LINGO2: variants seen among roughly 807,000 people sequenced by gnomAD.
LINGO2 encodes the protein leucine rich repeat and Ig domain containing 2.
A neutral mutation model predicts 30.6 loss-of-function variants in LINGO2; 14 were observed. The observed-to-expected ratio is 0.46, with a 90% CI of 0.30 to 0.72. The LOEUF is 0.72. Ranked by LOEUF, LINGO2 falls within the 30% of genes least tolerant of loss-of-function variation. The probability of loss-of-function intolerance (pLI) is 0.07; values close to 1 mark genes in which losing one functional copy is unlikely to be tolerated. For missense variants in LINGO2, 729 were observed against 751.7 expected, an observed-to-expected ratio of 0.97 and a Z score of 0.35; for synonymous variants, 317 against 288.5, an observed-to-expected ratio of 1.10 and a Z score of -1.00.
the LINGO2 span, among the ~76,000 whole-genome samples, chr9:28,908,130 T>A: frequency 3.8e-5 from 5 of 132,792 alleles, no homozygotes; most frequent in Non-Finnish European, 4.8e-5. Context: ...TCTTCAATCA[T>A]GGGAAGCTAT....
exon 6 of LINGO2, chr9:27,948,808 T>C (rs1223670959): frequency 3.2e-6 from 5 of 1,563,416 alleles, no homozygotes; most frequent in Non-Finnish European, 4.3e-6. Flanking sequence ...GTCTTACTGA[T>C]TACCCACATT....
chr9:28,616,697 T>C (rs1826144966), intron 1 of LINGO2, among the ~76,000 whole-genome samples: 1 of 152,204 alleles, frequency 6.6e-6, no homozygotes. Context: ...TTTAGCTGTG[T>C]GGACACTGTG....
At chr9:28,740,257 T>C in the LINGO2 span, among the ~76,000 whole-genome samples, 1 of 151,870 alleles carries the variant, frequency 6.6e-6, no homozygotes, top group Non-Finnish European at 1.5e-5. Flanking sequence ...TATAGATATC[T>C]GCTAGATCTA....
intron 4 of LINGO2, among the ~76,000 whole-genome samples, chr9:28,029,414 T>A (rs1392685205): frequency 6.6e-6 from 1 of 152,154 alleles, no homozygotes; most frequent in Admixed American, 6.6e-5. Flanking sequence ...TTCTCAGAGC[T>A]ACTCGGTTAA....
the LINGO2 span, among the ~76,000 whole-genome samples, chr9:29,191,114 G>A: frequency 2.6e-5 from 4 of 152,134 alleles, no homozygotes; most frequent in African/African-American, 9.7e-5. Flanking sequence ...CACCATTGCA[G>A]ATATTCAAAT....
intron 4 of LINGO2, among the ~76,000 whole-genome samples, chr9:28,215,062 G>A (rs2133873115): frequency 6.6e-6 from 1 of 151,562 alleles, no homozygotes; most frequent in South Asian, 2.1e-4. Flanking sequence ...TCTTCTCATG[G>A]TTTATTGGCC....
rs555149383 is a variant in LINGO2 at position 28,648,298 on chromosome 9, T to C, written c.-365+21902A>G. Reference sequence around the variant, plus strand: ...ACATTTTACGAGAGAGCATAGACTATCCCAGAATAATTATTTTGACATTAA... The same window carrying C: ...ACATTTTACGAGAGAGCATAGACTACCCCAGAATAATTATTTTGACATTAA... On this transcript the variant is annotated intron_variant, in intron 1 of 5. Coordinates refer to ENST00000379992, the Ensembl canonical transcript of LINGO2. Among the ~76,000 whole-genome samples, 153 of 152,248 alleles carry C rather than the reference T, an allele frequency of 1.0e-3. 6 individuals are homozygous for C. The South Asian group carries it at 0.03, about 30-fold the overall frequency.
chr9:28,161,896 A>C (rs1828297426), intron 4 of LINGO2, among the ~76,000 whole-genome samples: 1 of 152,194 alleles, frequency 6.6e-6, no homozygotes, highest in African/African-American at 2.4e-5. Context: ...ATCACTGGCC[A>C]ACAAAAAACA....
At chr9:28,971,915 C>G in the LINGO2 span, among the ~76,000 whole-genome samples, 1 of 152,182 alleles carries the variant, frequency 6.6e-6, no homozygotes, top group Non-Finnish European at 1.5e-5. Flanking sequence ...GTGCTTGTGT[C>G]ACTCCACCCC....
the LINGO2 span, among the ~76,000 whole-genome samples, chr9:28,751,288 C>CA: frequency 0.16 from 13,349 of 81,582 alleles, 1,754 homozygotes; most frequent in East Asian, 0.3. Context: ...AAGATCCAGT[C>CA]AAAAAAAAAA....
At chr9:28,331,524 GAGA>G (rs987977721) in intron 3 of LINGO2, among the ~76,000 whole-genome samples, 2 of 151,528 alleles carry the variant, frequency 1.3e-5, no homozygotes, top group Non-Finnish European at 2.9e-5. Flanking sequence ...TTGTTTTTTG[GAGA>G]AGAAGTCTCA....
intron 1 of LINGO2, among the ~76,000 whole-genome samples, chr9:28,482,136 T>C (rs373174377): frequency 0.01 from 1,570 of 151,896 alleles, 22 homozygotes; most frequent in African/African-American, 0.032. Context: ...TGGGTATATA[T>C]CCAGTAATGG....
At chr9:29,046,342 C>A in the LINGO2 span, among the ~76,000 whole-genome samples, 1 of 152,136 alleles carries the variant, frequency 6.6e-6, no homozygotes, top group Non-Finnish European at 1.5e-5. Flanking sequence ...CACTACCCAG[C>A]TTCAAACTAC....
intron 3 of LINGO2, among the ~76,000 whole-genome samples, chr9:28,344,640 T>A (rs2134406384): frequency 6.6e-6 from 1 of 152,222 alleles, no homozygotes; most frequent in East Asian, 1.9e-4. Context: ...TGTATTAAGC[T>A]TTATTCTCAG....
the LINGO2 span, among the ~76,000 whole-genome samples, chr9:29,100,439 C>T: frequency 1.3e-5 from 2 of 151,768 alleles, no homozygotes; most frequent in South Asian, 2.1e-4. Context: ...ACTAAAGATA[C>T]AAAAATTAGC....
chr9:27,998,220 G>A (rs914029994), intron 5 of LINGO2, among the ~76,000 whole-genome samples: 1 of 152,158 alleles, frequency 6.6e-6, no homozygotes, highest in East Asian at 1.9e-4. Flanking sequence ...GGTGCTGTGT[G>A]ACTCTGAGGC....
chr9:28,761,062 A>G, the LINGO2 span, among the ~76,000 whole-genome samples: 2 of 151,734 alleles, frequency 1.3e-5, no homozygotes, highest in Non-Finnish European at 2.9e-5. Flanking sequence ...TTGTGCTGCT[A>G]TGAACATGCC....
At chr9:29,053,309 G>T in the LINGO2 span, among the ~76,000 whole-genome samples, 1 of 152,128 alleles carries the variant, frequency 6.6e-6, no homozygotes, top group South Asian at 2.1e-4. Context: ...GGCATATATG[G>T]ATAGTTTCTG....
At chr9:28,275,591 G>T (rs1281694931) in intron 4 of LINGO2, among the ~76,000 whole-genome samples, 2 of 152,076 alleles carry the variant, frequency 1.3e-5, no homozygotes, top group Admixed American at 6.5e-5. Flanking sequence ...TTCTGTCAAA[G>T]AACTAGGCAT....
Sources: gnomAD v4.1 joint callset for allele counts (sites outside exome capture counted in the v4.1 genomes callset) on GRCh38, gnomAD v4.1.1 for gene constraint, MANE v1.5 for transcripts, NCBI Gene and HGNC (gene_info 2026-07-23, HGNC 2026-07-21) for gene names.